BTBD7: variants seen among roughly 807,000 people sequenced by gnomAD.
BTBD7 encodes the protein BTB domain containing 7, also known as BTB/POZ domain-containing protein 7.
BTBD7 carries 38 observed loss-of-function variants against 99.9 expected under a neutral mutation model. The observed-to-expected ratio is 0.38, with a 90% CI of 0.29 to 0.50. BTBD7 has a LOEUF of 0.50. Ranked by LOEUF, BTBD7 falls within the 20% of genes least tolerant of loss-of-function variation. The pLI, the probability that BTBD7 is intolerant of heterozygous loss-of-function variation, is 0.93. For missense variants in BTBD7, 1,170 were observed against 1,394.6 expected, an observed-to-expected ratio of 0.84 and a Z score of 2.57; for synonymous variants, 520 against 511.4, an observed-to-expected ratio of 1.02 and a Z score of -0.23.
chr14:93,304,540 T>C (rs1159974478), intron 1 of BTBD7, among the ~76,000 whole-genome samples: 2 of 152,060 alleles, frequency 1.3e-5, no homozygotes, highest in African/African-American at 4.8e-5. Flanking sequence ...TTAGTAGAGA[T>C]GAGGTTTCAC....
intron 1 of BTBD7, among the ~76,000 whole-genome samples, chr14:93,319,260 C>G (rs1026387262): frequency 6.6e-6 from 1 of 152,180 alleles, no homozygotes; most frequent in Non-Finnish European, 1.5e-5. Flanking sequence ...AAAATCTGCT[C>G]TGGTCCTTGC....
chr14:93,254,276 A>G (rs1200238043), intron 6 of BTBD7, among the ~76,000 whole-genome samples: 1 of 152,224 alleles, frequency 6.6e-6, no homozygotes, highest in Non-Finnish European at 1.5e-5. Context: ...AAGATTTTCA[A>G]TAAAAAGATA....
rs2052245202 is a variant in BTBD7, at chr14:93,242,560, C to T, written c.3112G>A (p.Asp1038Asn). The stretch of plus-strand genomic sequence containing the variant: ...TTTTCTGGGGCTGCCAAAGGAAAGT[C>T]TGACCGCTGGGGAGGTTGCTCAACG... ...DVVEQPPQRS[D>N]FPLAAPENAS... The change falls in exon 11 of 11, where the codon GAC becomes AAC. Residue 1038 changes from aspartate to asparagine, a missense_variant. Coordinates refer to ENST00000334746, the MANE Select transcript of BTBD7 (RefSeq NM_001002860.4). 6.2e-7 allele frequency: 1 copy of T among 1,614,096 alleles called. No homozygotes were observed. Among genetic ancestry groups the T allele is most frequent in the Admixed American group, 1.7e-5 (1 of 60,004 alleles).
rs1437585980 is a variant in BTBD7 at position 93,240,779 on chromosome 14, A to G, written c.*1494T>C. Reference sequence around the variant, plus strand: ...CTCACACATTGCCCTTCCAAGGGAGAGGATCCTGAAAGACCCCATGTGCTC... The same window carrying G: ...CTCACACATTGCCCTTCCAAGGGAGGGGATCCTGAAAGACCCCATGTGCTC... On this transcript the variant is annotated 3_prime_UTR_variant, in exon 11 of 11. Coordinates refer to ENST00000334746, the MANE Select transcript of BTBD7 (RefSeq NM_001002860.4). The G allele has an allele frequency of 6.6e-6, 1 of 152,652 alleles. No individual in the cohort carries two copies. Among genetic ancestry groups the G allele is most frequent in the Non-Finnish European group, 1.5e-5 (1 of 68,042 alleles). The allele number at this position is 152,652 out of a possible 1,614,324, so 9.5% of individuals were successfully genotyped here. A position where few individuals can be genotyped will look rare whatever the true frequency, so the allele number is the denominator to read the frequency against.
intron 3 of BTBD7, among the ~76,000 whole-genome samples, chr14:93,268,909 C>A (rs1222596004): frequency 6.6e-6 from 1 of 152,078 alleles, no homozygotes; most frequent in Non-Finnish European, 1.5e-5. Flanking sequence ...CAGGCACCCA[C>A]CATCATGCCC....
At chr14:93,250,639 A>C (rs918216285) in intron 8 of BTBD7, among the ~76,000 whole-genome samples, 2 of 152,176 alleles carry the variant, frequency 1.3e-5, no homozygotes, top group African/African-American at 4.8e-5. Flanking sequence ...TTGCAATGGC[A>C]ATTAGCAAGA....
In BTBD7 at chr14:93,240,722, C is replaced by T. The variant is rs1278711342; in HGVS notation, c.*1551G>A. 1 of 152,544 alleles carries T rather than the reference C, an allele frequency of 6.6e-6. No homozygotes were observed. The highest frequency in any genetic ancestry group is 1.5e-5 in the Non-Finnish European group (1 of 68,032). 9.4% of individuals were successfully genotyped at this position (152,544 alleles called of 1,614,324 possible). ...AAAAACTCAAATACTCATATATTTA[C>T]ATTGGAGAGTAAGAAAAAAAACAGT... On this transcript the variant is annotated 3_prime_UTR_variant, in exon 11 of 11. Transcript: ENST00000334746.
intron 1 of BTBD7, among the ~76,000 whole-genome samples, chr14:93,303,828 G>A (rs1057511711): frequency 6.6e-6 from 1 of 152,142 alleles, no homozygotes; most frequent in African/African-American, 2.4e-5. Flanking sequence ...GGGCTGAAAC[G>A]GCCTCCCCAC....
Position 93,260,282 on chromosome 14 carries a change from G to A in BTBD7, c.1447+1320C>T, listed in dbSNP as rs142972581. 1.5e-3 allele frequency among the ~76,000 whole-genome samples: 229 copies of A among 152,178 alleles called. 1 individual carries two copies. The highest frequency in any genetic ancestry group is 2.5e-3 in the Admixed American group (38 of 15,284). ...TAAATTATATCTAAATAAAACTATCGAAAGGTGACAGAAAAAGGAAATTGG... is the reference window on the plus strand; with the variant it reads ...TAAATTATATCTAAATAAAACTATCAAAAGGTGACAGAAAAAGGAAATTGG... On this transcript the variant is annotated intron_variant, in intron 5 of 10. Coordinates refer to ENST00000334746, the MANE Select transcript of BTBD7 (RefSeq NM_001002860.4).
At chr14:93,293,088 T>C (rs918861115) in intron 3 of BTBD7, among the ~76,000 whole-genome samples, 5 of 152,236 alleles carry the variant, frequency 3.3e-5, no homozygotes, top group Non-Finnish European at 7.3e-5. Flanking sequence ...AAGCTAAGAA[T>C]GCACTCTGTC....
chr14:93,305,151 G>A (rs2139791948), intron 1 of BTBD7, among the ~76,000 whole-genome samples: 1 of 152,290 alleles, frequency 6.6e-6, no homozygotes, highest in African/African-American at 2.4e-5. Flanking sequence ...CGGAGACTGA[G>A]TCTAAATAAA....
At chr14:93,280,691 C>T (rs550375903) in intron 3 of BTBD7, among the ~76,000 whole-genome samples, 2 of 152,100 alleles carry the variant, frequency 1.3e-5, no homozygotes, top group African/African-American at 4.8e-5. Context: ...TAAGGCCAGC[C>T]CATGTTAATT....
chr14:93,267,144 T>C (rs2052551861), intron 3 of BTBD7, among the ~76,000 whole-genome samples: 7 of 152,158 alleles, frequency 4.6e-5, no homozygotes, highest in Admixed American at 4.6e-4. Context: ...TAAAATGATG[T>C]GTCACAATCC....
chr14:93,331,231 T>C (rs913419741), intron 1 of BTBD7, among the ~76,000 whole-genome samples: 1 of 152,130 alleles, frequency 6.6e-6, no homozygotes, highest in African/African-American at 2.4e-5. Flanking sequence ...TGGTGAAGAA[T>C]GCAATCAATG....
chr14:93,289,574 C>T (rs771771830), intron 3 of BTBD7, among the ~76,000 whole-genome samples: 1 of 152,194 alleles, frequency 6.6e-6, no homozygotes, highest in Non-Finnish European at 1.5e-5. Flanking sequence ...CAACATCTTC[C>T]CCATTGTTGT....
intron 3 of BTBD7, among the ~76,000 whole-genome samples, chr14:93,283,986 T>C (rs1566848497): frequency 6.6e-6 from 1 of 152,244 alleles, no homozygotes; most frequent in Non-Finnish European, 1.5e-5. Context: ...AATAAAAAGA[T>C]ACTTAACTTA....
intron 3 of BTBD7, among the ~76,000 whole-genome samples, chr14:93,267,176 G>C (rs1225026876): frequency 1.3e-5 from 2 of 152,212 alleles, no homozygotes; most frequent in African/African-American, 4.8e-5. Flanking sequence ...GATACTGGCA[G>C]AGGTGAAGAA....
chr14:93,293,937 C>A lies in BTBD7; in HGVS notation c.1083G>T (p.Lys361Asn), dbSNP rs199599034. The change falls in exon 3 of 11, where the codon AAG becomes AAT. Residue 361 changes from lysine to asparagine, a missense_variant. Transcript: ENST00000334746. ...LSEVQALVAG[K>N]PNMTRAEEAM... ...CTTCTTCTGCCCTGGTCATGTTTGG[C>A]TTCCCTGCGACGAGAGCCTGAACTT... 3.5e-4 allele frequency: 568 copies of A among 1,613,740 alleles called. 6 individuals carry two copies. In the South Asian group the frequency reaches 5.9e-3, roughly 17 times the overall value.
chr14:93,326,405 T>G (rs1186943922), intron 1 of BTBD7, among the ~76,000 whole-genome samples: 1 of 152,112 alleles, frequency 6.6e-6, no homozygotes, highest in Admixed American at 6.5e-5. Context: ...TAGTTGAGGT[T>G]CTGGTGAGTC....
Sources: gnomAD v4.1 joint callset for allele counts (sites outside exome capture counted in the v4.1 genomes callset) on GRCh38, gnomAD v4.1.1 for gene constraint, MANE v1.5 for transcripts, NCBI Gene and HGNC (gene_info 2026-07-23, HGNC 2026-07-21) for gene names.